The following LINGO2 variants were observed in gnomAD, a reference collection of about 807,000 sequenced individuals.
LINGO2 encodes leucine rich repeat and Ig domain containing 2, also known as leucine-rich repeat and immunoglobulin-like domain-containing nogo receptor-interacting protein 2.
A neutral mutation model predicts 30.6 loss-of-function variants in LINGO2; 14 were observed. The ratio of observed to expected loss-of-function variants is 0.46; its 90% CI spans 0.30 to 0.72. The LOEUF (loss-of-function observed/expected upper bound fraction) is 0.72, where lower values mean the gene tolerates loss of function less well. Among genes scored for constraint, LINGO2 ranks in the 30% least tolerant of loss-of-function variants. The pLI is 0.07. For missense variants in LINGO2, 729 were observed against 751.7 expected (o/e 0.97, Z 0.35); for synonymous variants, 317 against 288.5 (o/e 1.10, Z -1.00).
At chr9:29,134,810 T>A in the LINGO2 span, among the ~76,000 whole-genome samples, 4 of 151,266 alleles carry the variant, frequency 2.6e-5, no homozygotes, top group Non-Finnish European at 4.4e-5. Context: ...TATATATGAA[T>A]TCATATATAT....
chr9:28,023,622 G>A (rs1823239837), intron 4 of LINGO2, among the ~76,000 whole-genome samples: 1 of 152,160 alleles, frequency 6.6e-6, no homozygotes, highest in African/African-American at 2.4e-5. Flanking sequence ...AAAGCTAGAG[G>A]ATGCTGAAGT....
At chr9:29,117,983 C>T in the LINGO2 span, among the ~76,000 whole-genome samples, 1 of 152,138 alleles carries the variant, frequency 6.6e-6, no homozygotes, top group African/African-American at 2.4e-5. Context: ...GATCTCAGAT[C>T]GCTGCATAAA....
the LINGO2 span, among the ~76,000 whole-genome samples, chr9:28,953,568 A>G: frequency 6.6e-6 from 1 of 152,110 alleles, no homozygotes. Context: ...AGACTGTTCT[A>G]TATTTTTGTA....
At chr9:28,935,635 G>A in the LINGO2 span, among the ~76,000 whole-genome samples, 1 of 151,862 alleles carries the variant, frequency 6.6e-6, no homozygotes, top group South Asian at 2.1e-4. Context: ...AGAAGCAACT[G>A]TATTTAAATT....
intron 5 of LINGO2, among the ~76,000 whole-genome samples, chr9:27,960,051 T>C (rs1268601357): frequency 6.6e-6 from 1 of 152,110 alleles, no homozygotes; most frequent in African/African-American, 2.4e-5. Flanking sequence ...GTCATCTTTG[T>C]TGGGGTAATA....
At chr9:28,466,342 T>C (rs916545785) in intron 2 of LINGO2, among the ~76,000 whole-genome samples, 1 of 152,214 alleles carries the variant, frequency 6.6e-6, no homozygotes, top group Non-Finnish European at 1.5e-5. Context: ...GAGGTCATTA[T>C]GCTAAATGAA....
chr9:28,093,273 C>G (rs552623313), intron 4 of LINGO2, among the ~76,000 whole-genome samples: 6 of 152,116 alleles, frequency 3.9e-5, no homozygotes, highest in Non-Finnish European at 8.8e-5. Context: ...CACAGAGCTG[C>G]AGACACCTCT....
chr9:28,615,126 A>T (rs924605373), intron 1 of LINGO2, among the ~76,000 whole-genome samples: 2 of 152,130 alleles, frequency 1.3e-5, no homozygotes, highest in African/African-American at 4.8e-5. Flanking sequence ...GAAGACAAAA[A>T]GAAAATTTAA....
the LINGO2 span, among the ~76,000 whole-genome samples, chr9:29,154,864 T>C: frequency 2.6e-5 from 4 of 152,160 alleles, no homozygotes; most frequent in African/African-American, 9.7e-5. Flanking sequence ...GTGTTGATGT[T>C]ACTGTCTCCT....
chr9:28,529,490 G>A (rs1411664184), intron 1 of LINGO2, among the ~76,000 whole-genome samples: 1 of 151,892 alleles, frequency 6.6e-6, no homozygotes, highest in Non-Finnish European at 1.5e-5. Flanking sequence ...AAATGTCACA[G>A]TACAGAGATA....
chr9:28,132,477 T>C (rs1470938299), intron 4 of LINGO2, among the ~76,000 whole-genome samples: 5 of 152,212 alleles, frequency 3.3e-5, no homozygotes, highest in Non-Finnish European at 5.9e-5. Flanking sequence ...CCAGGAGTTA[T>C]AGCTGTCAGA....
chr9:28,353,839 T>C (rs1351729200), intron 3 of LINGO2, among the ~76,000 whole-genome samples: 1 of 152,076 alleles, frequency 6.6e-6, no homozygotes, highest in Non-Finnish European at 1.5e-5. Context: ...AATGATGAGT[T>C]CATGTCCTTT....
At chr9:27,990,097 G>C (rs534689399) in intron 5 of LINGO2, among the ~76,000 whole-genome samples, 1 of 152,072 alleles carries the variant, frequency 6.6e-6, no homozygotes, top group South Asian at 2.1e-4. Flanking sequence ...CTCTCCTTCA[G>C]CAAATAGCAC....
chr9:29,001,290 A>G, the LINGO2 span, among the ~76,000 whole-genome samples: 1 of 151,978 alleles, frequency 6.6e-6, no homozygotes, highest in East Asian at 1.9e-4. Flanking sequence ...TAATACAGTG[A>G]AAACTAGCTT....
At chr9:28,892,992 C>T in the LINGO2 span, among the ~76,000 whole-genome samples, 3 of 152,050 alleles carry the variant, frequency 2.0e-5, no homozygotes, top group Admixed American at 6.6e-5. Context: ...AGAAATGTTT[C>T]AAAATGCTTT....
At chr9:28,246,146 C>G (rs909558031) in intron 4 of LINGO2, among the ~76,000 whole-genome samples, 1 of 151,980 alleles carries the variant, frequency 6.6e-6, no homozygotes, top group Non-Finnish European at 1.5e-5. Flanking sequence ...AGACCACATG[C>G]CAGGCACGGT....
intron 1 of LINGO2, among the ~76,000 whole-genome samples, chr9:28,493,466 G>A (rs942970047): frequency 6.6e-6 from 1 of 152,104 alleles, no homozygotes; most frequent in Non-Finnish European, 1.5e-5. Flanking sequence ...AATCATTGGA[G>A]ATATATTGGT....
chr9:28,534,818 GC>G (rs1476408990), intron 1 of LINGO2, among the ~76,000 whole-genome samples: 2 of 152,092 alleles, frequency 1.3e-5, no homozygotes, highest in African/African-American at 4.8e-5. Context: ...CATCCATGGA[GC>G]TAAATTTAAA....
At chr9:28,063,530 C>A (rs1825219825) in intron 4 of LINGO2, among the ~76,000 whole-genome samples, 1 of 151,896 alleles carries the variant, frequency 6.6e-6, no homozygotes, top group Non-Finnish European at 1.5e-5. Context: ...TCCTAAGTGG[C>A]TAGAACTCTT....
Sources: allele counts gnomAD v4.1 joint callset (sites outside exome capture counted in the v4.1 genomes callset), GRCh38; gene constraint gnomAD v4.1.1; transcripts MANE v1.5; gene names NCBI Gene and HGNC (gene_info 2026-07-23, HGNC 2026-07-21).